Variants in ANKS1B observed in about 807,000 individuals in gnomAD.
ANKS1B encodes ankyrin repeat and sterile alpha motif domain-containing protein 1B.
Under a neutral mutation model 148.3 loss-of-function variants are expected in ANKS1B, and 36 were observed. The ratio of observed to expected loss-of-function variants is 0.24; its 90% CI spans 0.19 to 0.32. The LOEUF is 0.32. Ranked by LOEUF, ANKS1B falls within the 10% of genes least tolerant of loss-of-function variation. ANKS1B has a pLI of 1.00. For missense variants in ANKS1B, 1,157 were observed against 1,542.6 expected, an observed-to-expected ratio of 0.75 and a Z score of 4.19; for synonymous variants, 542 against 560.8, an observed-to-expected ratio of 0.97 and a Z score of 0.47.
At chr12:99,428,912 T>C (rs1210762718) in intron 11 of ANKS1B, among the ~76,000 whole-genome samples, 2 of 152,152 alleles carry the variant, frequency 1.3e-5, no homozygotes, top group Non-Finnish European at 2.9e-5. Flanking sequence ...CAAAGAGTGA[T>C]GGAGATAAGT....
intron 22 of ANKS1B, among the ~76,000 whole-genome samples, chr12:98,786,603 G>A (rs1415930156): frequency 6.6e-6 from 1 of 152,188 alleles, no homozygotes; most frequent in African/African-American, 2.4e-5. Context: ...TTTGAATGCA[G>A]AATCAGTAGT....
chr12:99,567,717 C>T (rs186744774), intron 9 of ANKS1B, among the ~76,000 whole-genome samples: 19 of 152,226 alleles, frequency 1.2e-4, no homozygotes, highest in African/African-American at 4.6e-4. Flanking sequence ...CCAAGATATG[C>T]TAAAGGGGGC....
intron 14 of ANKS1B, among the ~76,000 whole-genome samples, chr12:99,180,404 A>C (rs775020224): frequency 2.0e-5 from 3 of 152,234 alleles, no homozygotes; most frequent in Non-Finnish European, 2.9e-5. Context: ...GATATTCTAA[A>C]TAAATGGTGA....
At chr12:99,908,501 G>C (rs983104950) in intron 1 of ANKS1B, among the ~76,000 whole-genome samples, 2 of 152,078 alleles carry the variant, frequency 1.3e-5, no homozygotes, top group African/African-American at 2.4e-5. Context: ...AATCACCCAA[G>C]CCCGGGGAAG....
At chr12:99,876,893 A>C (rs1357069944) in intron 1 of ANKS1B, among the ~76,000 whole-genome samples, 1 of 152,114 alleles carries the variant, frequency 6.6e-6, no homozygotes, top group African/African-American at 2.4e-5. Context: ...GTGCAAAAAG[A>C]CTCGAAACAC....
intron 1 of ANKS1B, among the ~76,000 whole-genome samples, chr12:99,856,684 C>G (rs2089157267): frequency 6.6e-6 from 1 of 152,084 alleles, no homozygotes; most frequent in Non-Finnish European, 1.5e-5. Flanking sequence ...GATAATCCAC[C>G]ACAATCAAGT....
At chr12:99,031,850 G>A (rs2099952391) in intron 17 of ANKS1B, among the ~76,000 whole-genome samples, 1 of 152,184 alleles carries the variant, frequency 6.6e-6, no homozygotes, top group African/African-American at 2.4e-5. Context: ...TGGTGGTCAG[G>A]TTTTGGTCAC....
At chr12:98,742,345 T>A (rs2097805236), downstream of ANKS1B, among the ~76,000 whole-genome samples, 2 of 138,932 alleles carry the variant, frequency 1.4e-5, no homozygotes, top group South Asian at 4.5e-4. Flanking sequence ...CCCATGCAGC[T>A]TTTTTTTTTT....
intron 17 of ANKS1B, among the ~76,000 whole-genome samples, chr12:98,945,505 CAAAAAAAAA>C (rs3051086): frequency 3.6e-4 from 11 of 30,288 alleles, no homozygotes; most frequent in Non-Finnish European, 6.2e-4. Flanking sequence ...AACAAACAAA[CAAAAAAAAA>C]AAAAAAAAAA....
chr12:99,334,696 G>T (rs991281923), intron 12 of ANKS1B, among the ~76,000 whole-genome samples: 8 of 151,984 alleles, frequency 5.3e-5, no homozygotes, highest in African/African-American at 1.9e-4. Flanking sequence ...CTTAATTTAT[G>T]TAGTACATTT....
intron 1 of ANKS1B, among the ~76,000 whole-genome samples, chr12:99,942,067 T>C (rs546167278): frequency 7.5e-4 from 114 of 152,124 alleles, no homozygotes; most frequent in Middle Eastern, 3.4e-3. Flanking sequence ...GAGCTGAAAT[T>C]GAGAGCAGAC....
At chr12:99,700,146 T>C (rs1346597500) in intron 8 of ANKS1B, among the ~76,000 whole-genome samples, 1 of 152,160 alleles carries the variant, frequency 6.6e-6, no homozygotes, top group African/African-American at 2.4e-5. Flanking sequence ...TTTTTTAACA[T>C]TGTAATTTTT....
intron 2 of ANKS1B, among the ~76,000 whole-genome samples, chr12:99,817,169 C>A (rs75886650): frequency 9.4e-4 from 141 of 149,666 alleles, no homozygotes; most frequent in Middle Eastern, 3.4e-3. Flanking sequence ...TCTCCCCCCC[C>A]CCTTTCCTTC....
chr12:99,147,724 A>AG lies in ANKS1B; in HGVS notation c.2526+6564dup, dbSNP rs1241854203. ...GAACAGATATGGATCTATGAGAACC[A>AG]GGGATCTCCCTAAGGGATGAAAAGG... is the stretch of plus-strand genomic sequence containing the variant. On this transcript the variant is annotated intron_variant, in intron 15 of 26. Coordinates refer to ENST00000683438, the MANE Select transcript of ANKS1B (RefSeq NM_001352186.2). 2.6e-5 allele frequency among the ~76,000 whole-genome samples: 4 copies of AG among 152,246 alleles called. No individual in the cohort carries two copies. In the East Asian group the frequency reaches 7.7e-4, roughly 29 times the overall value.
intron 11 of ANKS1B, among the ~76,000 whole-genome samples, chr12:99,439,375 G>C (rs7971152): frequency 0.21 from 31,792 of 151,482 alleles, 3,764 homozygotes; most frequent in African/African-American, 0.3. Flanking sequence ...CACAGAGTAG[G>C]AGAAAATATT....
chr12:99,702,332 T>C (rs900151756), intron 8 of ANKS1B, among the ~76,000 whole-genome samples: 2 of 152,194 alleles, frequency 1.3e-5, no homozygotes, highest in African/African-American at 4.8e-5. Flanking sequence ...GCCATTTGTA[T>C]GTCTTCTTTT....
intron 14 of ANKS1B, chr12:99,155,034 A>G: frequency 6.5e-7 from 1 of 1,535,318 alleles, no homozygotes; most frequent in Non-Finnish European, 8.7e-7. Flanking sequence ...AGCAAGATTC[A>G]AAAGCAAACC....
intron 8 of ANKS1B, among the ~76,000 whole-genome samples, chr12:99,671,363 T>C (rs2098537395): frequency 6.6e-6 from 1 of 151,694 alleles, no homozygotes; most frequent in African/African-American, 2.4e-5. Context: ...TATATTGGAC[T>C]GAAACAGAAA....
intron 8 of ANKS1B, among the ~76,000 whole-genome samples, chr12:99,727,167 G>A (rs2058697723): frequency 1.3e-5 from 2 of 151,998 alleles, no homozygotes; most frequent in Non-Finnish European, 1.5e-5. Context: ...AAGAAGTAAA[G>A]CATATTCGAA....
Sources: allele counts gnomAD v4.1 joint callset (sites outside exome capture counted in the v4.1 genomes callset), GRCh38; gene constraint gnomAD v4.1.1; transcripts MANE v1.5; gene names NCBI Gene and HGNC (gene_info 2026-07-23, HGNC 2026-07-21).